Variants in ADGRD1 observed in about 807,000 individuals in gnomAD.
The protein encoded by ADGRD1 is adhesion G protein-coupled receptor D1, also known as G-protein coupled receptor 133.
A neutral mutation model predicts 113.4 loss-of-function variants in ADGRD1; 77 were observed. The ratio of observed to expected loss-of-function variants is 0.68; its 90% CI spans 0.57 to 0.82. ADGRD1 has a LOEUF of 0.82. Ranked by LOEUF, ADGRD1 falls within the 40% of genes least tolerant of loss-of-function variation. The probability of loss-of-function intolerance (pLI) is 0.00; values close to 1 mark genes in which losing one functional copy is unlikely to be tolerated. For missense variants in ADGRD1, 1,036 were observed against 1,139.1 expected (o/e 0.91, Z 1.30); for synonymous variants, 474 against 475.0 (o/e 1.00, Z 0.03).
intron 20 of ADGRD1, among the ~76,000 whole-genome samples, chr12:131,122,847 C>T (rs1039782555): frequency 1.3e-5 from 2 of 152,138 alleles, no homozygotes; most frequent in Admixed American, 6.5e-5. Flanking sequence ...ACCACCCACA[C>T]GGCGTGGGGC....
Position 131,000,388 on chromosome 12 carries a change from C to T in ADGRD1, c.972C>T (p.Phe324=), listed in dbSNP as rs749333655. 5 of 1,613,042 alleles carry T rather than the reference C, an allele frequency of 3.1e-6. No individual in the cohort carries two copies. Among genetic ancestry groups the T allele is most frequent in the South Asian group, 1.1e-5 (1 of 91,048 alleles). ...EQTALNLTKT[F]LKAVGEILLL... is the part of the protein sequence containing the mutation. ...GTCATTTTGTCCACCTTTAGACCTT[C>T]TTAAAAGCCGTGGGAGAGATCCTTC... is the stretch of plus-strand genomic sequence containing the variant. The change falls in exon 9 of 25, where the codon TTC becomes TTT. Residue 324 remains phenylalanine (F), a synonymous_variant. Coordinates refer to ENST00000261654, the MANE Select transcript of ADGRD1 (RefSeq NM_198827.5).
chr12:131,119,704 T>C (rs1436235409), intron 19 of ADGRD1, among the ~76,000 whole-genome samples: 2 of 152,252 alleles, frequency 1.3e-5, no homozygotes, highest in East Asian at 3.8e-4. Context: ...AGAAGCATCC[T>C]ACTCTCCGGA....
intron 13 of ADGRD1, among the ~76,000 whole-genome samples, chr12:131,038,474 A>AG (rs750865910): frequency 6.6e-6 from 1 of 152,224 alleles, no homozygotes; most frequent in African/African-American, 2.4e-5. Flanking sequence ...ATTCCCACCC[A>AG]GGCCCATCCA....
At chr12:131,085,923 C>G (rs189149755) in intron 15 of ADGRD1, among the ~76,000 whole-genome samples, 28 of 152,172 alleles carry the variant, frequency 1.8e-4, no homozygotes, top group Non-Finnish European at 3.7e-4. Context: ...ATGTGCTCAT[C>G]GTGGCCACTG....
At chr12:131,046,585 C>T (rs1882824436) in intron 13 of ADGRD1, among the ~76,000 whole-genome samples, 2 of 126,190 alleles carry the variant, frequency 1.6e-5, no homozygotes, top group African/African-American at 6.8e-5. Flanking sequence ...GTGCTCCCTC[C>T]CTGGTCAGTG....
chr12:131,077,483 G>C (rs1186959771), intron 14 of ADGRD1, among the ~76,000 whole-genome samples: 1 of 152,172 alleles, frequency 6.6e-6, no homozygotes. Flanking sequence ...CGGCTCACCT[G>C]CCCAATGTCT....
rs1185037650 is a variant in ADGRD1, at chr12:130,966,577, G to T, written c.187+31G>T. On this transcript the variant is annotated intron_variant, in intron 3 of 24. Coordinates refer to ENST00000261654, the MANE Select transcript of ADGRD1 (RefSeq NM_198827.5). The surrounding 1 kb of genome is among the most constrained non-coding windows in gnomAD (Gnocchi z 4.6). ...GACGCGGGTGCTGAGAGCGGCTGTG[G>T]GCGCGGGAATCCCAGGGCCATCAGG... The T allele has an allele frequency of 2.1e-6, 3 of 1,414,764 alleles. No homozygotes were observed. The allele number at this position is 1,414,764 out of a possible 1,614,324, so 87.6% of individuals were successfully genotyped here. A position where few individuals can be genotyped will look rare whatever the true frequency, so the allele number is the denominator to read the frequency against.
In ADGRD1 at chr12:131,131,827, C is replaced by G. The variant is rs1220190914; in HGVS notation, c.2267+11C>G. The G allele has an allele frequency of 6.4e-7, 1 of 1,573,042 alleles. No individual in the cohort carries two copies. Among genetic ancestry groups the G allele is most frequent in the South Asian group, 1.1e-5 (1 of 90,260 alleles). On this transcript the variant is annotated intron_variant, in intron 21 of 24. Transcript: ENST00000261654. ...CCCCAGTGCCTTCAAGTAAGTTGAC[C>G]TCAGGCTGCCAGCAGTGCCACGGCC...
intron 13 of ADGRD1, among the ~76,000 whole-genome samples, chr12:131,034,881 G>C (rs1235619098): frequency 6.6e-6 from 1 of 152,154 alleles, no homozygotes; most frequent in Non-Finnish European, 1.5e-5. Flanking sequence ...CTTGCCTGGG[G>C]CCTGCAGGAC....
intron 13 of ADGRD1, among the ~76,000 whole-genome samples, chr12:131,030,136 T>A (rs1880518099): frequency 6.9e-6 from 1 of 144,264 alleles, no homozygotes; most frequent in Non-Finnish European, 1.5e-5. Flanking sequence ...ACGGTGACAT[T>A]CCCAGGCTCT....
At chr12:130,980,386 G>C (rs1001638093) in intron 4 of ADGRD1, among the ~76,000 whole-genome samples, 1 of 151,016 alleles carries the variant, frequency 6.6e-6, no homozygotes, top group African/African-American at 2.4e-5. Context: ...TTACAGGCGT[G>C]AGCCACCATG....
chr12:130,999,170 A>G lies in ADGRD1; in HGVS notation c.967-1213A>G, dbSNP rs58281169. Among the ~76,000 whole-genome samples the G allele has an allele frequency of 6.0e-3, 921 of 152,374 alleles. 11 individuals carry two copies. The highest frequency in any genetic ancestry group is 0.021 in the African/African-American group (875 of 41,578). ...GCTCTGGATCAAGAGTCGGCAAACT[A>G]TGGCCCTCGAGTCAAATCTGGCCCG... On this transcript the variant is annotated intron_variant, in intron 8 of 24. Transcript: ENST00000261654.
intron 14 of ADGRD1, among the ~76,000 whole-genome samples, chr12:131,082,288 G>C (rs1299573515): frequency 6.6e-6 from 1 of 152,090 alleles, no homozygotes; most frequent in Non-Finnish European, 1.5e-5. Flanking sequence ...GGGTCATAGG[G>C]CCGTACATAT....
chr12:131,009,936 T>C (rs1318026623), intron 12 of ADGRD1, among the ~76,000 whole-genome samples: 1 of 152,236 alleles, frequency 6.6e-6, no homozygotes, highest in Non-Finnish European at 1.5e-5. Context: ...GATTTCCTGC[T>C]GGTTTGACTT....
chr12:130,968,697 G>T, intron 3 of ADGRD1: 1 of 458,148 alleles, frequency 2.2e-6, no homozygotes, highest in Non-Finnish European at 3.9e-6. Context: ...CTGCCTATGT[G>T]TTGGAGCCAG....
chr12:131,088,425 T>C (rs1217132718), intron 15 of ADGRD1, among the ~76,000 whole-genome samples: 3 of 152,210 alleles, frequency 2.0e-5, no homozygotes, highest in Non-Finnish European at 4.4e-5. Context: ...AATTAGGCTC[T>C]AAAACGCAGT....
chr12:131,125,408 G>C (rs1020910837), intron 20 of ADGRD1, among the ~76,000 whole-genome samples: 3 of 152,120 alleles, frequency 2.0e-5, no homozygotes, highest in African/African-American at 7.2e-5. Flanking sequence ...TCCAGGTCTG[G>C]GGAAGAGAAG....
At chr12:131,033,295 C>T (rs973886521) in intron 13 of ADGRD1, among the ~76,000 whole-genome samples, 5 of 152,128 alleles carry the variant, frequency 3.3e-5, no homozygotes, top group Non-Finnish European at 5.9e-5. Flanking sequence ...ACTTCCAGGC[C>T]GGAGGGGTTT....
At chr12:131,117,992 C>T (rs1317715169) in intron 18 of ADGRD1, among the ~76,000 whole-genome samples, 1 of 152,222 alleles carries the variant, frequency 6.6e-6, no homozygotes, top group Non-Finnish European at 1.5e-5. Flanking sequence ...CCCTAGATGA[C>T]TTAAGCCATT....
Sources: gnomAD v4.1 joint callset for allele counts (sites outside exome capture counted in the v4.1 genomes callset) on GRCh38, gnomAD v4.1.1 for gene constraint, Gnocchi (gnomAD v3.1) non-coding constraint, MANE v1.5 for transcripts, NCBI Gene and HGNC (gene_info 2026-07-23, HGNC 2026-07-21) for gene names.